The following FOXRED2 variants were observed in gnomAD, a reference collection of about 807,000 sequenced individuals.
FOXRED2 encodes FAD dependent oxidoreductase domain containing 2.
In FOXRED2, 32 loss-of-function variants were observed where a neutral mutation model predicts 52.5. That is an observed-to-expected ratio of 0.61 (90% CI 0.46 to 0.82). FOXRED2 has a LOEUF of 0.82. Among genes scored for constraint, FOXRED2 ranks in the 40% least tolerant of loss-of-function variants. The probability of loss-of-function intolerance (pLI) is 0.00; values close to 1 mark genes in which losing one functional copy is unlikely to be tolerated. For synonymous variants in FOXRED2, 405 were observed against 398.1 expected, an observed-to-expected ratio of 1.02 and a Z score of -0.21; for missense variants, 848 against 937.5, an observed-to-expected ratio of 0.90 and a Z score of 1.25.
intron 7 of FOXRED2, among the ~76,000 whole-genome samples, chr22:36,494,200 T>A (rs1348671204): frequency 6.6e-6 from 1 of 152,212 alleles, no homozygotes; most frequent in Admixed American, 6.5e-5. Flanking sequence ...CACCGCAACC[T>A]CTACCTCCTG....
chr22:36,497,526 C>T (rs1186576496), intron 6 of FOXRED2, among the ~76,000 whole-genome samples: 1 of 152,158 alleles, frequency 6.6e-6, no homozygotes, highest in African/African-American at 2.4e-5. Flanking sequence ...CCGCCCCTCA[C>T]CCCTCTGTGC....
chr22:36,489,483 C>A lies in FOXRED2; in HGVS notation c.*525G>T, dbSNP rs1933690645. 6.6e-6 allele frequency: 1 copy of A among 152,160 alleles called. No homozygotes were observed. The highest frequency in any genetic ancestry group is 6.6e-5 in the Admixed American group (1 of 15,266). The allele number at this position is 152,160 out of a possible 1,614,324, so 9.4% of individuals were successfully genotyped here. A position where few individuals can be genotyped will look rare whatever the true frequency, so the allele number is the denominator to read the frequency against. On this transcript the variant is annotated 3_prime_UTR_variant, in exon 9 of 9. Transcript: ENST00000397224. ...AGACGGGGACTCCCAGCTGGGGGTC[C>A]CTGGAATTACTTGACATCCCACAGC...
chr22:36,491,726 C>T (rs1422006703), intron 8 of FOXRED2, among the ~76,000 whole-genome samples: 2 of 152,162 alleles, frequency 1.3e-5, no homozygotes, highest in East Asian at 3.8e-4. Flanking sequence ...TGCGTCCATA[C>T]AGCCTGCAGA....
rs1479597512 is a variant in FOXRED2 at position 36,487,699 on chromosome 22, C to G, written c.*2309G>C. The stretch of plus-strand genomic sequence containing the variant: ...ATATCCTACATTATCATGGGGTAAA[C>G]AATTCGTCCCTGACAGAATAAGGCT... On this transcript the variant is annotated 3_prime_UTR_variant, in exon 9 of 9. Coordinates refer to ENST00000397224, the MANE Select transcript of FOXRED2 (RefSeq NM_001102371.2). 1.3e-5 allele frequency: 2 copies of G among 152,158 alleles called. No homozygotes were observed. Among genetic ancestry groups the G allele is most frequent in the Admixed American group, 1.3e-4 (2 of 15,266 alleles). The allele number at this position is 152,158 out of a possible 1,614,324, so 9.4% of individuals were successfully genotyped here. A position where few individuals can be genotyped will look rare whatever the true frequency, so the allele number is the denominator to read the frequency against.
At chr22:36,493,913 G>A (rs1371943329) in intron 7 of FOXRED2, 110 bp from the exon 8 acceptor site, 22 of 943,486 alleles carry the variant, frequency 2.3e-5, no homozygotes, top group African/African-American at 4.9e-5. Flanking sequence ...TCGTTCACTC[G>A]TGCTCGGCTT....
chr22:36,506,025 G>C lies in FOXRED2; in HGVS notation c.398C>G (p.Ala133Gly), dbSNP rs373887109. ...CTGGACACGGAGCCCCAGCGTGTCC[G>C]CGAAGTCACCCAGGTAGCGCACCAT... is the stretch of plus-strand genomic sequence containing the variant. Reference protein sequence around the residue: ...RDMVRYLGDFADTLGLRVQYN... With the variant: ...RDMVRYLGDFGDTLGLRVQYN... Residue 133 changes from alanine (A) to glycine (G), a missense_variant, in exon 2 of 9, where the codon GCG (alanine) becomes GGG (glycine). By Grantham distance (60) the Ala-to-Gly change is moderately conservative. Coordinates refer to ENST00000397224, the MANE Select transcript of FOXRED2 (RefSeq NM_001102371.2). 2 of 1,614,254 alleles carry C rather than the reference G, an allele frequency of 1.2e-6. No individual in the cohort carries two copies. The highest frequency in any genetic ancestry group is 1.7e-6 in the Non-Finnish European group (2 of 1,180,044).
At position 36,504,873 on chromosome 22, in the gene FOXRED2, G is replaced by A. The variant is rs575768851; in HGVS notation, c.528-107C>T. The A allele has an allele frequency of 3.5e-4, 424 of 1,217,916 alleles. 1 individual carries two copies. The African/African-American group carries it at 5.8e-3, about 17-fold the overall frequency. 75.4% of individuals were successfully genotyped at this position (1,217,916 alleles called of 1,614,324 possible). A position where few individuals can be genotyped will look rare whatever the true frequency, so the allele number is the denominator to read the frequency against. On this transcript the variant is annotated intron_variant, in intron 2 of 8. Transcript: ENST00000397224. ...ACCCACCTGCCTGGCTCCAACCGCC[G>A]GCCCCTAAAAGAAAATAGGACATTC... is the stretch of plus-strand genomic sequence containing the variant.
In FOXRED2 at chr22:36,489,338, G is replaced by C. The variant is rs569203450; in HGVS notation, c.*670C>G. ...GCAGGGAGCTGTCCTATCGCTGCTC[G>C]AGATCAGCCTGCTGGGCCTATGATG... On this transcript the variant is annotated 3_prime_UTR_variant, in exon 9 of 9. Transcript: ENST00000397224. 1 of 152,172 alleles carries C rather than the reference G, an allele frequency of 6.6e-6. No individual in the cohort carries two copies. The highest frequency in any genetic ancestry group is 2.4e-5 in the African/African-American group (1 of 41,446). The allele number at this position is 152,172 out of a possible 1,614,324, so 9.4% of individuals were successfully genotyped here.
At chr22:36,503,544 C>A (rs180841738) in intron 4 of FOXRED2, among the ~76,000 whole-genome samples, 24 of 151,740 alleles carry the variant, frequency 1.6e-4, no homozygotes, top group Non-Finnish European at 2.8e-4. Context: ...CTCCTAACCT[C>A]AAGTGATCCA....
intron 6 of FOXRED2, among the ~76,000 whole-genome samples, chr22:36,497,086 A>G (rs1219046842): frequency 6.6e-6 from 1 of 152,162 alleles, no homozygotes; most frequent in African/African-American, 2.4e-5. Flanking sequence ...AGGCTGAGAC[A>G]CGAGAATCGC....
rs1934019276 is a variant in FOXRED2, at chr22:36,500,662, C to T, written c.1216+579G>A. 4.0e-5 allele frequency among the ~76,000 whole-genome samples: 6 copies of T among 151,316 alleles called. No individual in the cohort carries two copies. In the South Asian group the frequency reaches 1.2e-3, roughly 31 times the overall value. ...GCAATGGTGCGATCTCAGCTCACCG[C>T]AACCTCCACCTCCTGGGTTCAAGTG... On this transcript the variant is annotated intron_variant, in intron 5 of 8. Coordinates refer to ENST00000397224, the MANE Select transcript of FOXRED2 (RefSeq NM_001102371.2).
chr22:36,498,401 C>T (rs1328450931), intron 5 of FOXRED2: 8 of 502,728 alleles, frequency 1.6e-5, no homozygotes, highest in Middle Eastern at 1.1e-3. Flanking sequence ...GGGTCATACA[C>T]GACTCAGTGA....
intron 2 of FOXRED2, 137 bp from the exon 3 acceptor site, chr22:36,504,903 A>G: frequency 1.1e-6 from 1 of 893,008 alleles, no homozygotes; most frequent in Non-Finnish European, 1.7e-6. Flanking sequence ...ACATTCATTC[A>G]TTCATTTTTC....
chr22:36,501,470 T>A (rs73886816), intron 4 of FOXRED2, 63 bp from the exon 5 acceptor site: 1 of 1,551,724 alleles, frequency 6.4e-7, no homozygotes, highest in African/African-American at 1.4e-5. Flanking sequence ...ATTTATTTAG[T>A]TAGTTTTGAG....
At chr22:36,501,165 G>C in intron 5 of FOXRED2, 76 bp downstream of exon 5, 1 of 1,451,728 alleles carries the variant, frequency 6.9e-7, no homozygotes, top group East Asian at 2.3e-5. Flanking sequence ...TCTGGACATA[G>C]GAGTAGATTT....
intron 2 of FOXRED2, among the ~76,000 whole-genome samples, chr22:36,505,025 C>T (rs1934157006): frequency 6.6e-6 from 1 of 152,168 alleles, no homozygotes; most frequent in South Asian, 2.1e-4. Context: ...TAAATTTGCC[C>T]TGTGAGAGAG....
At chr22:36,494,870 C>T (rs540704177) in intron 7 of FOXRED2, among the ~76,000 whole-genome samples, 1 of 152,174 alleles carries the variant, frequency 6.6e-6, no homozygotes, top group African/African-American at 2.4e-5. Flanking sequence ...ACCTCCTGAC[C>T]TCGTGATCCG....
chr22:36,502,639 C>A (rs1934085969), intron 4 of FOXRED2, among the ~76,000 whole-genome samples: 1 of 151,940 alleles, frequency 6.6e-6, no homozygotes, highest in African/African-American at 2.4e-5. Flanking sequence ...CACCTAGCTC[C>A]CAGCACTTTC....
chr22:36,500,877 C>T (rs1190472619), intron 5 of FOXRED2, among the ~76,000 whole-genome samples: 5 of 151,880 alleles, frequency 3.3e-5, no homozygotes, highest in African/African-American at 1.2e-4. Context: ...AGCCATTGCA[C>T]CTGGCCTACA....
Sources: allele counts gnomAD v4.1 joint callset (sites outside exome capture counted in the v4.1 genomes callset), GRCh38; gene constraint gnomAD v4.1.1; transcripts MANE v1.5; gene names NCBI Gene and HGNC (gene_info 2026-07-23, HGNC 2026-07-21).